ABCB1: variants seen among roughly 807,000 people sequenced by gnomAD.
ABCB1 encodes the protein ATP-dependent translocase ABCB1.
ABCB1 carries 69 observed loss-of-function variants against 142.0 expected under a neutral mutation model. The ratio of observed to expected loss-of-function variants is 0.49; its 90% CI spans 0.40 to 0.59. The LOEUF (loss-of-function observed/expected upper bound fraction) is 0.59, where lower values mean the gene tolerates loss of function less well. Among genes scored for constraint, ABCB1 ranks in the 20% least tolerant of loss-of-function variants. The pLI, the probability that ABCB1 is intolerant of heterozygous loss-of-function variation, is 0.00. For missense variants in ABCB1, 1,326 were observed against 1,554.7 expected, an observed-to-expected ratio of 0.85 and a Z score of 2.47; for synonymous variants, 532 against 539.2, an observed-to-expected ratio of 0.99 and a Z score of 0.18.
intron 3 of ABCB1, among the ~76,000 whole-genome samples, chr7:87,593,908 GTAA>G (rs1819092553): frequency 6.6e-6 from 1 of 152,132 alleles, no homozygotes; most frequent in South Asian, 2.1e-4. Context: ...TCCTTTTGTT[GTAA>G]TAAACATTAG....
At chr7:87,709,550 A>G in intron 1 of ABCB1, 2 of 983,246 alleles carry the variant, frequency 2.0e-6, no homozygotes, top group Non-Finnish European at 2.4e-6. Flanking sequence ...CTTATCATTC[A>G]TTTTCTTCCC....
At chr7:87,616,603 A>G (rs375746528) in intron 1 of ABCB1, among the ~76,000 whole-genome samples, 1 of 152,320 alleles carries the variant, frequency 6.6e-6, no homozygotes, top group East Asian at 1.9e-4. Flanking sequence ...GTTTATGATC[A>G]TGGTATCTCC....
chr7:87,609,194 G>C (rs1819763319), intron 1 of ABCB1, among the ~76,000 whole-genome samples: 1 of 152,098 alleles, frequency 6.6e-6, no homozygotes, highest in Admixed American at 6.6e-5. Context: ...ACAATTTTAA[G>C]TAGGATAGTC....
At chr7:87,703,753 C>T (rs2130709612) in intron 1 of ABCB1, among the ~76,000 whole-genome samples, 1 of 151,660 alleles carries the variant, frequency 6.6e-6, no homozygotes, top group South Asian at 2.1e-4. Flanking sequence ...AACTATTGTC[C>T]TTTGACCTCT....
intron 21 of ABCB1, chr7:87,522,230 G>A: frequency 8.6e-7 from 1 of 1,162,556 alleles, no homozygotes; most frequent in Admixed American, 1.7e-5. Context: ...TTTGGAGGTG[G>A]TGTAATGATT....
chr7:87,556,212 C>T (rs548244395), intron 8 of ABCB1, among the ~76,000 whole-genome samples: 1 of 152,196 alleles, frequency 6.6e-6, no homozygotes, highest in East Asian at 1.9e-4. Flanking sequence ...TATGACTCTT[C>T]TTAAATATTG....
At chr7:87,558,824 C>T (rs1451060070) in intron 8 of ABCB1, among the ~76,000 whole-genome samples, 1 of 151,876 alleles carries the variant, frequency 6.6e-6, no homozygotes, top group Non-Finnish European at 1.5e-5. Flanking sequence ...CCCCTTACAT[C>T]ACAACAAATT....
intron 8 of ABCB1, among the ~76,000 whole-genome samples, chr7:87,555,110 A>G (rs1479650580): frequency 2.0e-5 from 3 of 152,222 alleles, no homozygotes; most frequent in Non-Finnish European, 4.4e-5. Flanking sequence ...AAAGGAACAG[A>G]GAAGACTACT....
chr7:87,626,730 T>TATATATGTGTCATATATATGTC lies in ABCB1; in HGVS notation c.-330-25674_-330-25653dup, dbSNP rs1820655771. Reference sequence around the variant, plus strand: ...ATATATGTGTCATATATATGTGTCATATATATGTGTCATATATATGTCATA... The same window carrying TATATATGTGTCATATATATGTC: ...ATATATGTGTCATATATATGTGTCATATATATGTGTCATATATATGTCATATATGTGTCATATATATGTCATA... On this transcript the variant is annotated intron_variant, in intron 1 of 28. Coordinates refer to the ABCB1 transcript ENST00000265724. Among the ~76,000 whole-genome samples, 5 of 72,076 alleles carry TATATATGTGTCATATATATGTC rather than the reference T, an allele frequency of 6.9e-5. 2 individuals are homozygous for TATATATGTGTCATATATATGTC. Among genetic ancestry groups the TATATATGTGTCATATATATGTC allele is most frequent in the Non-Finnish European group, 1.5e-4 (5 of 34,456 alleles). The allele number at this position is 72,076 out of a possible 152,430, so 47.3% of individuals were successfully genotyped here. A position where few individuals can be genotyped will look rare whatever the true frequency, so the allele number is the denominator to read the frequency against.
intron 18 of ABCB1, among the ~76,000 whole-genome samples, chr7:87,540,317 A>G (rs1047069851): frequency 6.6e-5 from 10 of 152,196 alleles, no homozygotes; most frequent in African/African-American, 2.4e-4. Flanking sequence ...TCCCTAGTTT[A>G]CCGCTAAGGA....
upstream of ABCB1, among the ~76,000 whole-genome samples, chr7:87,603,429 C>A (rs563954732): frequency 1.4e-3 from 207 of 152,268 alleles, 1 homozygote; most frequent in African/African-American, 4.9e-3. Context: ...TAGGACACAC[C>A]ACTTCACTGC....
intron 15 of ABCB1, 86 bp downstream of exon 15, chr7:87,545,777 A>T (rs1028989729): frequency 7.0e-7 from 1 of 1,427,006 alleles, no homozygotes; most frequent in Non-Finnish European, 9.6e-7. Context: ...AAGGTAATCA[A>T]ATCAAATAAT....
At chr7:87,512,028 G>A (rs1225397651) in intron 25 of ABCB1, among the ~76,000 whole-genome samples, 1 of 152,106 alleles carries the variant, frequency 6.6e-6, no homozygotes, top group Non-Finnish European at 1.5e-5. Flanking sequence ...GTGGGAGGGA[G>A]GCAAGGCTGT....
At chr7:87,591,982 A>C (rs1451167855) in intron 3 of ABCB1, among the ~76,000 whole-genome samples, 2 of 152,190 alleles carry the variant, frequency 1.3e-5, no homozygotes, top group Admixed American at 6.5e-5. Flanking sequence ...AAAATATAGG[A>C]GAAAGTCTAA....
chr7:87,564,094 T>C (rs1817689743), intron 7 of ABCB1: 3 of 442,378 alleles, frequency 6.8e-6, no homozygotes, highest in Non-Finnish European at 1.3e-5. Flanking sequence ...AATGAAATAA[T>C]CTGTATAACA....
intron 1 of ABCB1, among the ~76,000 whole-genome samples, chr7:87,662,385 G>C (rs1402826044): frequency 6.6e-6 from 1 of 152,014 alleles, no homozygotes; most frequent in East Asian, 1.9e-4. Flanking sequence ...ACACTTTCAG[G>C]TTTTAGATTT....
At chr7:87,603,843 C>CT, upstream of ABCB1, among the ~76,000 whole-genome samples, 1 of 152,270 alleles carries the variant, frequency 6.6e-6, no homozygotes, top group South Asian at 2.1e-4. Context: ...CCACAGTTAC[C>CT]TTTTTGGTAA....
Position 87,550,710 on chromosome 7 carries a change from C to T in ABCB1, c.1113+15G>A, listed in dbSNP as rs1255824287. ...ATCTTTTAGATAGGTGGATAGATGG[C>T]CAACTCAGACTTACATTATCAATTA... On this transcript the variant is annotated intron_variant, in intron 10 of 27. Transcript: ENST00000622132. 5.0e-6 allele frequency: 8 copies of T among 1,587,790 alleles called. No individual in the cohort carries two copies. The highest frequency in any genetic ancestry group is 1.7e-5 in the Admixed American group (1 of 59,988).
intron 1 of ABCB1, among the ~76,000 whole-genome samples, chr7:87,683,117 C>T (rs763991294): frequency 6.6e-6 from 1 of 152,148 alleles, no homozygotes; most frequent in African/African-American, 2.4e-5. Flanking sequence ...CCAACCTCTG[C>T]TAGCTTCAAA....
Sources: allele counts gnomAD v4.1 joint callset (sites outside exome capture counted in the v4.1 genomes callset), GRCh38; gene constraint gnomAD v4.1.1; transcripts MANE v1.5; gene names NCBI Gene and HGNC (gene_info 2026-07-23, HGNC 2026-07-21).